REPS2: variants seen among roughly 807,000 people sequenced by gnomAD.
REPS2 encodes RALBP1 associated Eps domain containing 2.
Under a neutral mutation model 53.6 loss-of-function variants are expected in REPS2, and 23 were observed. That is an observed-to-expected ratio of 0.43 (90% CI 0.31 to 0.61). REPS2 has a LOEUF of 0.61. Ranked by LOEUF, REPS2 falls within the 20% of genes least tolerant of loss-of-function variation. The probability of loss-of-function intolerance (pLI) is 0.11; values close to 1 mark genes in which losing one functional copy is unlikely to be tolerated. For synonymous variants in REPS2, 238 were observed against 218.6 expected (o/e 1.09, Z -0.78); for missense variants, 446 against 534.9 (o/e 0.83, Z 1.64).
rs189137015 is a variant in REPS2 at position 16,951,289 on chromosome X, T to G, written c.273+4155T>G. ...GTTTAAAAGTATCCCATTCTGCCATTTTCCACCTAGTGCTAGAATCCTGCT... is the reference window on the plus strand; with the variant it reads ...GTTTAAAAGTATCCCATTCTGCCATGTTCCACCTAGTGCTAGAATCCTGCT... On this transcript the variant is annotated intron_variant, in intron 1 of 17. Transcript: ENST00000357277. Among the ~76,000 whole-genome samples the G allele has an allele frequency of 2.8e-3, 307 of 111,624 alleles. 2 individuals are homozygous for G. Among genetic ancestry groups the G allele is most frequent in the African/African-American group, 8.8e-3 (270 of 30,681 alleles).
chrX:17,111,885 T>C (rs1285391779), intron 14 of REPS2, among the ~76,000 whole-genome samples: 1 of 111,955 alleles, frequency 8.9e-6, no homozygotes, highest in Non-Finnish European at 1.9e-5. Context: ...TGAAACACAG[T>C]TGAGGGACAA....
intron 2 of REPS2, among the ~76,000 whole-genome samples, chrX:17,017,096 T>G (rs905767431): frequency 1.8e-5 from 2 of 111,548 alleles, no homozygotes; most frequent in Non-Finnish European, 3.8e-5. Flanking sequence ...CTCAGCCTCC[T>G]GAGTAGCTGG....
chrX:17,050,197 T>C lies in REPS2; in HGVS notation c.908-2185T>C, dbSNP rs192550754. On this transcript the variant is annotated intron_variant, in intron 6 of 17. Coordinates refer to ENST00000357277, the MANE Select transcript of REPS2 (RefSeq NM_004726.3). The stretch of plus-strand genomic sequence containing the variant: ...TTCTTTCTTTCTTTCTTTCTTTCTT[T>C]TTTTTTTTTTTTTGACAGGGTCTTA... Among the ~76,000 whole-genome samples the C allele has an allele frequency of 9.4e-3, 431 of 46,070 alleles. 5 individuals are homozygous for C. The highest frequency in any genetic ancestry group is 0.012 in the Non-Finnish European group (371 of 29,739). 40.0% of individuals were successfully genotyped at this position (46,070 alleles called of 115,157 possible).
chrX:16,966,565 ATTTTGACTGTG>A (rs1456946948), intron 1 of REPS2, among the ~76,000 whole-genome samples: 1 of 112,613 alleles, frequency 8.9e-6, no homozygotes, highest in Non-Finnish European at 1.9e-5. Context: ...ATGAAACAAA[ATTTTGACTGTG>A]TTTTGACTGT....
At position 17,103,742 on chromosome X, in the gene REPS2, C is replaced by T; in HGVS notation, c.1541C>T (p.Pro514Leu). Residue 514 changes from proline to leucine, a missense_variant, in exon 14 of 18, where the codon CCA (proline) becomes CTA (leucine). Coordinates refer to ENST00000357277, the MANE Select transcript of REPS2 (RefSeq NM_004726.3). ...GCTACCAAGTCAGGATTGTTACCCC[C>T]ACCACCTGCGCTCCCTCCAAGACCT... ...VPATKSGLLP[P>L]PPALPPRPCP... 8.3e-7 allele frequency: 1 copy of T among 1,210,815 alleles called. No homozygotes were observed. Among genetic ancestry groups the T allele is most frequent in the Non-Finnish European group, 1.1e-6 (1 of 894,905 alleles).
At chrX:17,050,361 A>AT (rs2061985237) in intron 6 of REPS2, among the ~76,000 whole-genome samples, 1 of 103,480 alleles carries the variant, frequency 9.7e-6, no homozygotes, top group Non-Finnish European at 1.9e-5. Context: ...TGCCTGGCTA[A>AT]TTTTTTTGTA....
At chrX:17,039,432 G>A (rs190930577) in intron 5 of REPS2, among the ~76,000 whole-genome samples, 7 of 112,027 alleles carry the variant, frequency 6.2e-5, no homozygotes, top group African/African-American at 9.8e-5. Flanking sequence ...CGTGCCAGAT[G>A]CTTACCTGCA....
intron 1 of REPS2, among the ~76,000 whole-genome samples, chrX:16,951,559 A>ACAC (rs879259718): frequency 0.061 from 2,293 of 37,444 alleles, 94 homozygotes; most frequent in East Asian, 0.086. Context: ...ACACACACAC[A>ACAC]CCCCCGCTAC....
intron 8 of REPS2, among the ~76,000 whole-genome samples, chrX:17,059,256 C>T (rs971111776): frequency 1.9e-5 from 2 of 106,438 alleles, no homozygotes; most frequent in South Asian, 4.1e-4. Flanking sequence ...ATGATCCACC[C>T]GCCTCGGCCT....
intron 13 of REPS2, chrX:17,099,908 C>G: frequency 2.0e-6 from 2 of 1,016,409 alleles, no homozygotes; most frequent in Non-Finnish European, 2.8e-6. Flanking sequence ...CAGAATTTTT[C>G]CCTTTCATCA....
intron 13 of REPS2, among the ~76,000 whole-genome samples, chrX:17,103,279 T>C (rs1020816140): frequency 1.8e-5 from 2 of 111,962 alleles, no homozygotes; most frequent in Non-Finnish European, 3.8e-5. Context: ...CTCATTTGGG[T>C]TCCAGCTCTC....
chrX:17,108,118 C>T (rs2062899704), intron 14 of REPS2, among the ~76,000 whole-genome samples: 1 of 109,362 alleles, frequency 9.1e-6, no homozygotes, highest in South Asian at 3.9e-4. Flanking sequence ...TATTAGCCCA[C>T]TGTTTGTATC....
chrX:17,045,820 G>T (rs1463091634), intron 5 of REPS2, among the ~76,000 whole-genome samples: 1 of 110,618 alleles, frequency 9.0e-6, no homozygotes, highest in Non-Finnish European at 1.9e-5. Flanking sequence ...AGATATCAAA[G>T]TAATACATAT....
At chrX:16,987,154 T>G (rs2061102148) in intron 1 of REPS2, among the ~76,000 whole-genome samples, 1 of 110,358 alleles carries the variant, frequency 9.1e-6, no homozygotes, top group Non-Finnish European at 1.9e-5. Flanking sequence ...AGGCTGGTCT[T>G]GAACTCCTGG....
At chrX:17,105,996 A>G (rs1055112190) in intron 14 of REPS2, among the ~76,000 whole-genome samples, 14 of 111,166 alleles carry the variant, frequency 1.3e-4, no homozygotes, top group African/African-American at 3.9e-4. Context: ...CTGCCCCTCT[A>G]CCCCTCTGGG....
chrX:17,049,799 A>G (rs1008467512), intron 6 of REPS2, among the ~76,000 whole-genome samples: 1 of 111,610 alleles, frequency 9.0e-6, no homozygotes, highest in Admixed American at 9.5e-5. Context: ...TTTTAAGCCA[A>G]GTGTTATTAC....
chrX:17,044,504 G>A (rs986958738), intron 5 of REPS2: 7 of 112,907 alleles, frequency 6.2e-5, no homozygotes, highest in Non-Finnish European at 1.1e-4. Context: ...GCTGTGATAA[G>A]GGCCGCCCAG....
chrX:16,975,784 G>A (rs2060948391), intron 1 of REPS2, among the ~76,000 whole-genome samples: 1 of 111,992 alleles, frequency 8.9e-6, no homozygotes, highest in African/African-American at 3.2e-5. Context: ...CATTCGGATT[G>A]AATATGCCTA....
At chrX:17,113,403 C>T (rs778816390) in intron 14 of REPS2, among the ~76,000 whole-genome samples, 2 of 109,078 alleles carry the variant, frequency 1.8e-5, no homozygotes, top group South Asian at 4.0e-4. Context: ...TTAAATTTAT[C>T]GAGGTTGAAT....
Sources: gnomAD v4.1 joint callset for allele counts (sites outside exome capture counted in the v4.1 genomes callset) on GRCh38, gnomAD v4.1.1 for gene constraint, MANE v1.5 for transcripts, NCBI Gene and HGNC (gene_info 2026-07-23, HGNC 2026-07-21) for gene names.